COL5A2: variants seen among roughly 807,000 people sequenced by gnomAD.
COL5A2 encodes the protein collagen alpha-2(V) chain.
In COL5A2, 23 loss-of-function variants were observed where a neutral mutation model predicts 208.2. The ratio of observed to expected loss-of-function variants is 0.11; its 90% CI spans 0.08 to 0.16. The LOEUF (loss-of-function observed/expected upper bound fraction) is 0.16, where lower values mean the gene tolerates loss of function less well. COL5A2 is among the 10% of genes least tolerant of loss of function. The pLI, the probability that COL5A2 is intolerant of heterozygous loss-of-function variation, is 1.00. For synonymous variants in COL5A2, 625 were observed against 628.5 expected, an observed-to-expected ratio of 0.99 and a Z score of 0.08; for missense variants, 1,590 against 1,956.4, an observed-to-expected ratio of 0.81 and a Z score of 3.53.
chr2:189,188,853 G>C (rs909583059), intron 1 of COL5A2, among the ~76,000 whole-genome samples: 3 of 152,178 alleles, frequency 2.0e-5, no homozygotes, highest in East Asian at 1.9e-4. Context: ...TCTTGCTATA[G>C]AGAGGGCAGC....
At chr2:189,232,605 A>G in the COL5A2 span, among the ~76,000 whole-genome samples, 2 of 151,818 alleles carry the variant, frequency 1.3e-5, no homozygotes, top group East Asian at 1.9e-4. Flanking sequence ...GCTGCTATAG[A>G]CTGAATGTTT....
At chr2:189,270,865 G>A in the COL5A2 span, among the ~76,000 whole-genome samples, 2 of 151,972 alleles carry the variant, frequency 1.3e-5, no homozygotes, top group African/African-American at 2.4e-5. Flanking sequence ...ACCAATAATC[G>A]ACAAACAGAG....
intron 1 of COL5A2, among the ~76,000 whole-genome samples, chr2:189,117,236 C>T (rs1687409781): frequency 6.6e-6 from 1 of 152,180 alleles, no homozygotes. Flanking sequence ...GAGCAGATTT[C>T]AGTCTGCTAA....
the COL5A2 span, among the ~76,000 whole-genome samples, chr2:189,304,165 T>C: frequency 2.0e-5 from 3 of 152,208 alleles, no homozygotes; most frequent in African/African-American, 7.2e-5. Context: ...ATTGTTCAAC[T>C]GTTTTACAAG....
rs1685412318 is a variant in COL5A2, at chr2:189,034,900, A to T, written c.4353+16T>A. 1 of 1,613,712 alleles carries T rather than the reference A, an allele frequency of 6.2e-7. No individual in the cohort carries two copies. The highest frequency in any genetic ancestry group is 8.5e-7 in the Non-Finnish European group (1 of 1,179,810). On this transcript the variant is annotated intron_variant, in intron 53 of 53. Coordinates refer to ENST00000374866, the MANE Select transcript of COL5A2 (RefSeq NM_000393.5). Reference sequence around the variant, plus strand: ...TTTTTCCTCAACCAGATCAATGTAGATCAAAAAGTACTTACAGAGCAAGTG... The same window carrying T: ...TTTTTCCTCAACCAGATCAATGTAGTTCAAAAAGTACTTACAGAGCAAGTG...
the COL5A2 span, among the ~76,000 whole-genome samples, chr2:189,238,180 T>C: frequency 6.6e-6 from 1 of 152,172 alleles, no homozygotes; most frequent in Non-Finnish European, 1.5e-5. Context: ...AAAAATGTGA[T>C]AAATATGTCA....
the COL5A2 span, among the ~76,000 whole-genome samples, chr2:189,277,519 T>A: frequency 6.6e-6 from 1 of 152,094 alleles, no homozygotes; most frequent in South Asian, 2.1e-4. Context: ...TACAAAGGCA[T>A]ATCTAGCCAT....
the COL5A2 span, among the ~76,000 whole-genome samples, chr2:189,410,369 A>G: frequency 6.6e-6 from 1 of 152,158 alleles, no homozygotes; most frequent in Non-Finnish European, 1.5e-5. Flanking sequence ...CAGGAGTTCA[A>G]GACCAGCCTG....
At chr2:189,245,726 G>A in the COL5A2 span, among the ~76,000 whole-genome samples, 3 of 151,924 alleles carry the variant, frequency 2.0e-5, no homozygotes, top group Admixed American at 6.6e-5. Flanking sequence ...CGCCCACCTC[G>A]GCCTCCCAAA....
the COL5A2 span, among the ~76,000 whole-genome samples, chr2:189,355,972 G>T: frequency 6.6e-6 from 1 of 152,164 alleles, no homozygotes; most frequent in Non-Finnish European, 1.5e-5. Context: ...GGCAGGCCTG[G>T]TGGTGACAAA....
chr2:189,113,933 C>T (rs376259869), intron 1 of COL5A2, among the ~76,000 whole-genome samples: 1 of 152,194 alleles, frequency 6.6e-6, no homozygotes, highest in Non-Finnish European at 1.5e-5. Context: ...GACACATTGT[C>T]TCAGTCTTGT....
At chr2:189,134,410 G>A (rs913548040) in intron 1 of COL5A2, among the ~76,000 whole-genome samples, 33 of 152,270 alleles carry the variant, frequency 2.2e-4, no homozygotes, top group African/African-American at 6.7e-4. Flanking sequence ...GCCAAATGGC[G>A]AAACCCCGTC....
intron 1 of COL5A2, among the ~76,000 whole-genome samples, chr2:189,115,447 C>T (rs1687369931): frequency 6.6e-6 from 1 of 150,806 alleles, no homozygotes; most frequent in African/African-American, 2.4e-5. Context: ...ATATTGAAAC[C>T]TTGGACTGGC....
chr2:189,205,779 A>G (rs1025012550), intron 1 of COL5A2, among the ~76,000 whole-genome samples: 3 of 152,214 alleles, frequency 2.0e-5, no homozygotes, highest in African/African-American at 7.2e-5. Flanking sequence ...TTAAAAAAAC[A>G]TAATTTACTA....
chr2:189,344,016 G>C, the COL5A2 span, among the ~76,000 whole-genome samples: 3 of 152,036 alleles, frequency 2.0e-5, no homozygotes, highest in Admixed American at 2.0e-4. Context: ...AAATTGCTTG[G>C]ACTTATTTAC....
rs1209889758 is a variant in COL5A2 at position 189,063,953 on chromosome 2, T to C, written c.1770+27A>G. On this transcript the variant is annotated intron_variant, in intron 26 of 53. Transcript: ENST00000374866. ...CATGTCTGTTGAAAAATATTAGTGG[T>C]TGTGGACTTCTGTTTAAATTACTTA... The C allele has an allele frequency of 6.9e-6, 11 of 1,584,472 alleles. No individual in the cohort carries two copies. In the Admixed American group the frequency reaches 1.8e-4, roughly 26 times the overall value.
chr2:189,300,689 T>C, the COL5A2 span, among the ~76,000 whole-genome samples: 10 of 152,220 alleles, frequency 6.6e-5, no homozygotes, highest in African/African-American at 2.4e-4. Context: ...GCAGTAGGCC[T>C]AGATGGTCCC....
At chr2:189,346,365 A>C in the COL5A2 span, among the ~76,000 whole-genome samples, 2 of 152,172 alleles carry the variant, frequency 1.3e-5, no homozygotes, top group South Asian at 4.1e-4. Flanking sequence ...CTCCAGGATA[A>C]GATCCTTTTG....
intron 49 of COL5A2, among the ~76,000 whole-genome samples, chr2:189,042,102 C>A (rs10194618): frequency 0.9 from 137,020 of 152,198 alleles, 61,956 homozygotes; most frequent in Non-Finnish European, 0.95. Context: ...TTTATGTATG[C>A]TTTGTTTACA....
Sources: gnomAD v4.1 joint callset for allele counts (sites outside exome capture counted in the v4.1 genomes callset) on GRCh38, gnomAD v4.1.1 for gene constraint, MANE v1.5 for transcripts, NCBI Gene and HGNC (gene_info 2026-07-23, HGNC 2026-07-21) for gene names.